Variants in DVL1 observed in about 807,000 individuals in gnomAD.
DVL1 encodes dishevelled segment polarity protein 1, also known as segment polarity protein dishevelled homolog DVL-1.
In DVL1, 49 loss-of-function variants were observed where a neutral mutation model predicts 65.0. The ratio of observed to expected loss-of-function variants is 0.75; its 90% CI spans 0.60 to 0.96. The LOEUF is 0.96. DVL1 is among the 40% of genes least tolerant of loss of function. DVL1 has a pLI of 0.00. For synonymous variants in DVL1, 608 were observed against 433.9 expected (o/e 1.40, Z -4.99); for missense variants, 1,197 against 1,045.4 (o/e 1.15, Z -2.00).
rs1289713209 is a variant in DVL1, at chr1:1,342,385, C to A, written c.340G>T (p.Asp114Tyr). ...PPLERTGGIG[D>Y]SRPPSFHPNV... ...TACTGGAAGGAGGGGGGCCGGGAGTCCCCGATGCCGCCTGTCCGCTCAAGA... is the reference window on the plus strand; with the variant it reads ...TACTGGAAGGAGGGGGGCCGGGAGTACCCGATGCCGCCTGTCCGCTCAAGA... Residue 114 changes from aspartate (D) to tyrosine (Y), a missense_variant, in exon 3 of 15, where the codon GAC becomes TAC. By Grantham distance (160) the Asp-to-Tyr change is radical. Transcript: ENST00000378888. 1 of 1,585,722 alleles carries A rather than the reference C, an allele frequency of 6.3e-7. No individual in the cohort carries two copies. Among genetic ancestry groups the A allele is most frequent in the Non-Finnish European group, 8.6e-7 (1 of 1,167,746 alleles).
intron 1 of DVL1, among the ~76,000 whole-genome samples, chr1:1,344,604 G>A (rs1304183313): frequency 2.0e-5 from 3 of 152,094 alleles, no homozygotes; most frequent in East Asian, 1.9e-4. Flanking sequence ...TGAGGTAGAC[G>A]CCCCCAAAGA....
At chr1:1,344,845 C>T (rs1044392680) in intron 1 of DVL1, among the ~76,000 whole-genome samples, 1 of 152,170 alleles carries the variant, frequency 6.6e-6, no homozygotes, top group Non-Finnish European at 1.5e-5. Flanking sequence ...ATGGACCTGA[C>T]CACAGCAGAG....
intron 5 of DVL1, among the ~76,000 whole-genome samples, chr1:1,340,944 C>A (rs374942594): frequency 7.3e-5 from 11 of 150,150 alleles, no homozygotes; most frequent in Non-Finnish European, 1.6e-4. Flanking sequence ...CACCTGCACA[C>A]ACGCACCCCT....
chr1:1,348,163 C>A (rs1464513854), intron 1 of DVL1, among the ~76,000 whole-genome samples: 1 of 152,230 alleles, frequency 6.6e-6, no homozygotes, highest in Non-Finnish European at 1.5e-5. Context: ...GACCGCCAGG[C>A]TCCTGCTCCC....
chr1:1,335,938 G>A lies in DVL1; in HGVS notation c.*204C>T, dbSNP rs933872961. The A allele has an allele frequency of 4.4e-5, 29 of 657,940 alleles. No homozygotes were observed. Among genetic ancestry groups the A allele is most frequent in the Non-Finnish European group, 6.1e-5 (24 of 391,662 alleles). The allele number at this position is 657,940 out of a possible 1,614,324, so 40.8% of individuals were successfully genotyped here. The stretch of plus-strand genomic sequence containing the variant: ...CGAGGCTCTCGCTGAGGGGCAGAGA[G>A]GGAGCGCCCCCAACACGGCTGCTCA... On this transcript the variant is annotated 3_prime_UTR_variant, in exon 15 of 15. Transcript: ENST00000378888.
chr1:1,341,720 G>C lies in DVL1; in HGVS notation c.552C>G (p.Ser184Arg). The change falls in exon 5 of 15, where the codon AGC (serine) becomes AGG (arginine). Residue 184 changes from serine (S) to arginine (R), a missense_variant. Physicochemically the swap from Ser to Arg is moderately radical, Grantham distance 110. Transcript: ENST00000378888. Reference sequence around the variant, plus strand: ...CCACAAAGCTGCTGGACTCAAGCTCGCTGCTGAGGGCGGTGGACGCGCTGT... The same window carrying C: ...CCACAAAGCTGCTGGACTCAAGCTCCCTGCTGAGGGCGGTGGACGCGCTGT... ...PPDSASTALS[S>R]ELESSSFVDS... 5.0e-6 allele frequency: 8 copies of C among 1,611,362 alleles called. No homozygotes were observed. Among genetic ancestry groups the C allele is most frequent in the Non-Finnish European group, 6.8e-6 (8 of 1,178,896 alleles).
intron 14 of DVL1, chr1:1,336,904 G>C (rs1643596889): frequency 1.3e-6 from 1 of 799,282 alleles, no homozygotes; most frequent in Non-Finnish European, 1.5e-6. Flanking sequence ...CCAGGACCCT[G>C]GCCGACGGAT....
intron 1 of DVL1, among the ~76,000 whole-genome samples, chr1:1,344,362 C>T (rs916775868): frequency 9.2e-5 from 14 of 152,302 alleles, no homozygotes; most frequent in Admixed American, 5.2e-4. Flanking sequence ...CCCCTGACCC[C>T]GGGGCACCTT....
chr1:1,339,351 G>A lies in DVL1; in HGVS notation c.1143C>T (p.Pro381=), dbSNP rs1029840351. The change falls in exon 11 of 15, where the codon CCC becomes CCT. Residue 381 remains proline, a synonymous_variant. Coordinates refer to ENST00000378888, the MANE Select transcript of DVL1 (RefSeq NM_001330311.2). ...TGGTGCGCGTGACGGCGCTGGAGCA[G>A]GGACTCGTACCGTAGCGGGGCAGGG... ...TGALPRYGTS[P]CSSAVTRTSS... The A allele has an allele frequency of 6.5e-7, 1 of 1,548,606 alleles. No individual in the cohort carries two copies. Among genetic ancestry groups the A allele is most frequent in the Non-Finnish European group, 8.7e-7 (1 of 1,146,882 alleles).
At position 1,342,056 on chromosome 1, in the gene DVL1, C is replaced by T; in HGVS notation, c.463G>A (p.Glu155Lys). The change falls in exon 4 of 15, where the codon GAG (glutamate) becomes AAG (lysine). Residue 155 changes from glutamate (E) to lysine (K), a missense_variant. Physicochemically the swap from Glu to Lys is moderately conservative, Grantham distance 56. Coordinates refer to ENST00000378888, the MANE Select transcript of DVL1 (RefSeq NM_001330311.2). ...TGGGCAGACATGACCACTGTACCCT[C>T]CTCGCGGTTCCGGCGTCGGGCACGC... ...RERARRRNRE[E>K]AARTNGHPRG... 1 of 1,575,270 alleles carries T rather than the reference C, an allele frequency of 6.3e-7. No individual in the cohort carries two copies. Among genetic ancestry groups the T allele is most frequent in the Non-Finnish European group, 8.6e-7 (1 of 1,160,702 alleles).
chr1:1,342,848 C>A, intron 1 of DVL1, 90 bp from the exon 2 acceptor site: 1 of 1,294,294 alleles, frequency 7.7e-7, no homozygotes, highest in Non-Finnish European at 1.1e-6. Flanking sequence ...GCTCCTCCTG[C>A]CCACACAATG....
rs764216100 is a variant in DVL1, at chr1:1,337,963, G to A, written c.1714+14C>T. ...GCGGAGCCGGGGAAGGGCAGGTAGG[G>A]GCGGCGTTCTCACCTTCACTCTGCT... On this transcript the variant is annotated intron_variant, in intron 14 of 14. Transcript: ENST00000378888. 1.2e-6 allele frequency: 2 copies of A among 1,607,780 alleles called. No individual in the cohort carries two copies. Among genetic ancestry groups the A allele is most frequent in the South Asian group, 1.1e-5 (1 of 90,660 alleles).
chr1:1,338,338 G>A lies in DVL1; in HGVS notation c.1438C>T (p.Leu480=), dbSNP rs762499063. The change falls in exon 13 of 15, where the codon CTG becomes TTG. Residue 480 remains leucine (L), a synonymous_variant. Coordinates refer to ENST00000378888, the MANE Select transcript of DVL1 (RefSeq NM_001330311.2). ...YASSLLKHGF[L]RHTVNKITFS... is the part of the protein sequence containing the mutation. Reference sequence around the variant, plus strand: ...GTGATCTTGTTGACCGTGTGCCGCAGGAAGCCGTGCTTCAGCAAGCTGCTG... The same window carrying A: ...GTGATCTTGTTGACCGTGTGCCGCAAGAAGCCGTGCTTCAGCAAGCTGCTG... 1.9e-6 allele frequency: 3 copies of A among 1,611,844 alleles called. No individual in the cohort carries two copies. The highest frequency in any genetic ancestry group is 1.3e-5 in the African/African-American group (1 of 74,740).
rs780781683 is a variant in DVL1 at position 1,336,339 on chromosome 1, G to C, written c.1891C>G (p.Arg631Gly). Residue 631 changes from arginine (R) to glycine (G), a missense_variant, in exon 15 of 15, where the codon CGC becomes GGC. Coordinates refer to ENST00000378888, the MANE Select transcript of DVL1 (RefSeq NM_001330311.2). ...AGQLSRGSSP[R>G]SQASATAPGL... is the part of the protein sequence containing the mutation. ...GGGGCGGTAGCCGAGGCCTGACTGC[G>C]TGGGCTGCTGCCACGGCTGAGCTGG... The C allele has an allele frequency of 5.0e-6, 8 of 1,591,220 alleles. No homozygotes were observed. The highest frequency in any genetic ancestry group is 1.3e-5 in the African/African-American group (1 of 74,640).
rs307362 is a variant in DVL1 at position 1,342,153 on chromosome 1, T to C, written c.366A>G (p.Pro122=). The C allele has an allele frequency of 1, 1,562,793 of 1,566,018 alleles. 779,816 individuals carry two copies. Among genetic ancestry groups the C allele is most frequent in the African/African-American group, 1 (74,144 of 74,152 alleles). The change falls in exon 4 of 15, where the codon CCA becomes CCG. Residue 122 remains proline, a synonymous_variant. Transcript: ENST00000378888. ...IGDSRPPSFH[P]NVASSRDGMD... ...TCCCGTCACGGCTGCTGGCCACATT[T>C]GGGCTGTGCAACAAGAGCAGGGTGG...
chr1:1,339,048 G>A (rs1324574691), intron 11 of DVL1, among the ~76,000 whole-genome samples: 3 of 152,182 alleles, frequency 2.0e-5, no homozygotes, highest in Non-Finnish European at 4.4e-5. Context: ...GACGCCGTGG[G>A]TGCTCCCCGC....
chr1:1,342,651 C>T, intron 2 of DVL1, 38 bp downstream of exon 2: 1 of 1,609,288 alleles, frequency 6.2e-7, no homozygotes, highest in Non-Finnish European at 8.5e-7. Flanking sequence ...TGGAATGCTC[C>T]CCAGGCGAGC....
At chr1:1,348,385 G>A (rs1643952976) in intron 1 of DVL1, among the ~76,000 whole-genome samples, 1 of 152,192 alleles carries the variant, frequency 6.6e-6, no homozygotes, top group South Asian at 2.1e-4. Context: ...GGTCACCAGT[G>A]GCCCTTGACC....
At chr1:1,347,298 G>A (rs978655809) in intron 1 of DVL1, among the ~76,000 whole-genome samples, 3 of 152,058 alleles carry the variant, frequency 2.0e-5, no homozygotes, top group African/African-American at 4.8e-5. Flanking sequence ...TTTCCTGGCC[G>A]CATCCCCAAG....
Sources: allele counts gnomAD v4.1 joint callset (sites outside exome capture counted in the v4.1 genomes callset), GRCh38; gene constraint gnomAD v4.1.1; transcripts MANE v1.5; gene names NCBI Gene and HGNC (gene_info 2026-07-23, HGNC 2026-07-21).